Variants in NXPE3 observed in about 807,000 individuals in gnomAD.
NXPE3 encodes the protein NXPE family member 3.
Under a neutral mutation model 46.1 loss-of-function variants are expected in NXPE3, and 26 were observed. The observed-to-expected ratio is 0.56, with a 90% CI of 0.41 to 0.78. The LOEUF (loss-of-function observed/expected upper bound fraction) is 0.78. Ranked by LOEUF, NXPE3 falls within the 30% of genes least tolerant of loss-of-function variation. NXPE3 has a pLI of 0.00. For synonymous variants in NXPE3, 272 were observed against 257.9 expected (o/e 1.05, Z -0.52); for missense variants, 620 against 686.0 (o/e 0.90, Z 1.07).
chr3:101,803,679 G>A (rs971762568), intron 5 of NXPE3, among the ~76,000 whole-genome samples: 2 of 152,212 alleles, frequency 1.3e-5, no homozygotes, highest in Non-Finnish European at 2.9e-5. Context: ...GAGTGCAGTG[G>A]CATGATTGCA....
intron 4 of NXPE3, among the ~76,000 whole-genome samples, chr3:101,790,644 G>A (rs1443603158): frequency 6.6e-6 from 1 of 152,070 alleles, no homozygotes; most frequent in Non-Finnish European, 1.5e-5. Context: ...CCAGGCTGGA[G>A]TGCAGTGGCA....
intron 6 of NXPE3, among the ~76,000 whole-genome samples, chr3:101,810,473 G>A (rs1003321070): frequency 3.3e-5 from 5 of 152,212 alleles, no homozygotes; most frequent in Non-Finnish European, 7.4e-5. Context: ...TTGTGGCAGC[G>A]ACATGTAAAT....
chr3:101,812,090 A>G (rs190222584), intron 6 of NXPE3, among the ~76,000 whole-genome samples: 11 of 152,256 alleles, frequency 7.2e-5, no homozygotes, highest in Admixed American at 6.5e-4. Flanking sequence ...AGTGAATGAT[A>G]GTGTTTCATG....
chr3:101,803,524 A>T (rs938229921), intron 5 of NXPE3, among the ~76,000 whole-genome samples: 1 of 152,232 alleles, frequency 6.6e-6, no homozygotes, highest in Non-Finnish European at 1.5e-5. Context: ...CAGGTTTCAG[A>T]CATGCTATTT....
chr3:101,794,771 T>G (rs1940728243), intron 4 of NXPE3, among the ~76,000 whole-genome samples: 1 of 152,200 alleles, frequency 6.6e-6, no homozygotes, highest in Non-Finnish European at 1.5e-5. Context: ...ATCAGTAATG[T>G]TATAACAGTC....
At chr3:101,811,922 A>T (rs1344383818) in intron 6 of NXPE3, among the ~76,000 whole-genome samples, 1 of 151,542 alleles carries the variant, frequency 6.6e-6, no homozygotes, top group African/African-American at 2.4e-5. Flanking sequence ...TTTAGTAAAG[A>T]TGTGGTTTTG....
At chr3:101,808,842 T>TATATATATATATATATATATAC (rs1560057786) in intron 6 of NXPE3, among the ~76,000 whole-genome samples, 1 of 59,972 alleles carries the variant, frequency 1.7e-5, no homozygotes, top group Non-Finnish European at 3.7e-5. Flanking sequence ...TATATATATA[T>TATATATATATATATATATATAC]ATATATATAT....
At chr3:101,784,813 C>T (rs1180727773) in intron 3 of NXPE3, among the ~76,000 whole-genome samples, 2 of 152,146 alleles carry the variant, frequency 1.3e-5, no homozygotes, top group African/African-American at 4.8e-5. Flanking sequence ...TGTGTGTCTT[C>T]CTGTGCCTTA....
Position 101,821,853 on chromosome 3 carries a change from A to T in NXPE3, c.1579A>T (p.Thr527Ser), listed in dbSNP as rs201890694. The change falls in exon 8 of 8, where the codon ACC becomes TCC. Residue 527 changes from threonine to serine, a missense_variant. By Grantham distance (58) the Thr-to-Ser change is moderately conservative (BLOSUM62 1). Around this residue, in one of 3 missense-constraint regions of NXPE3, gnomAD observed 75 missense variants for 121.1 expected, o/e 0.62. Coordinates refer to ENST00000273347, the MANE Select transcript of NXPE3 (RefSeq NM_145037.4). ...ATATCTCGTCGATGCCTGGGAGATG[A>T]CCCTGGCCCATTATCTACCGCACAA... ...GVYLVDAWEM[T>S]LAHYLPHKLH... 5.7e-4 allele frequency: 914 copies of T among 1,613,780 alleles called. 1 individual carries two copies. Among genetic ancestry groups the T allele is most frequent in the Non-Finnish European group, 5.6e-4 (666 of 1,179,938 alleles).
intron 6 of NXPE3, among the ~76,000 whole-genome samples, chr3:101,815,176 A>G (rs988810163): frequency 1.3e-5 from 2 of 152,216 alleles, no homozygotes; most frequent in African/African-American, 4.8e-5. Flanking sequence ...TGCTTGTGTT[A>G]TCAAGTGTAA....
chr3:101,818,715 TTATATATATATATATATATATATA>T (rs61602305), intron 7 of NXPE3, among the ~76,000 whole-genome samples: 1 of 38,032 alleles, frequency 2.6e-5, no homozygotes, highest in Non-Finnish European at 4.3e-5. Flanking sequence ...ATATGACAAT[TTATATATATATATATATATATATA>T]TATATATATA....
chr3:101,823,603 A>G lies in NXPE3; in HGVS notation c.*1649A>G, dbSNP rs1480479614. 6.6e-6 allele frequency: 1 copy of G among 151,834 alleles called. No homozygotes were observed. Among genetic ancestry groups the G allele is most frequent in the African/African-American group, 2.4e-5 (1 of 41,244 alleles). 9.4% of individuals were successfully genotyped at this position (151,834 alleles called of 1,614,324 possible). On this transcript the variant is annotated 3_prime_UTR_variant, in exon 8 of 8. Coordinates refer to ENST00000273347, the MANE Select transcript of NXPE3 (RefSeq NM_145037.4). ...AGCCTGGGCAACATAGTAAGACCTC[A>G]TCTCTACAAAAAATAAAAAATTATC...
At chr3:101,808,868 C>CTTTTATCTG (rs1211359787) in intron 6 of NXPE3, among the ~76,000 whole-genome samples, 14 of 40,648 alleles carry the variant, frequency 3.4e-4, no homozygotes, top group Non-Finnish European at 5.2e-4. Context: ...AGACATTTAT[C>CTTTTATCTG]TTTTATCTGT....
chr3:101,788,433 A>G (rs952566845), intron 4 of NXPE3, among the ~76,000 whole-genome samples: 16 of 152,174 alleles, frequency 1.1e-4, no homozygotes, highest in African/African-American at 3.9e-4. Context: ...TTGGTGTCAT[A>G]TCCAAGAAAT....
rs1205281397 is a variant in NXPE3 at position 101,821,924 on chromosome 3, C to T, written c.1650C>T (p.Phe550=). The part of the protein sequence containing the change: ...EVIVKNQLDM[F]LSFVCPLET ...TTGTGAAGAACCAGCTGGACATGTTCTTGTCCTTTGTGTGCCCCTTGGAAA... is the reference window on the plus strand; with the variant it reads ...TTGTGAAGAACCAGCTGGACATGTTTTTGTCCTTTGTGTGCCCCTTGGAAA... The change falls in exon 8 of 8, where the codon TTC becomes TTT. Residue 550 remains phenylalanine, a synonymous_variant. Transcript: ENST00000273347. 1 of 1,613,796 alleles carries T rather than the reference C, an allele frequency of 6.2e-7. No individual in the cohort carries two copies. The highest frequency in any genetic ancestry group is 2.2e-5 in the East Asian group (1 of 44,900).
intron 7 of NXPE3, among the ~76,000 whole-genome samples, chr3:101,818,526 C>T (rs1157291433): frequency 2.0e-5 from 3 of 151,514 alleles, no homozygotes; most frequent in African/African-American, 7.3e-5. Flanking sequence ...GACATATCTT[C>T]ACCTGATAAA....
intron 6 of NXPE3, among the ~76,000 whole-genome samples, chr3:101,813,674 C>A (rs887890028): frequency 6.6e-6 from 1 of 152,212 alleles, no homozygotes; most frequent in Non-Finnish European, 1.5e-5. Flanking sequence ...CCTTCACCAG[C>A]AATTTTCAAG....
intron 4 of NXPE3, among the ~76,000 whole-genome samples, chr3:101,799,587 A>C (rs999884187): frequency 1.1e-4 from 17 of 152,032 alleles, no homozygotes; most frequent in African/African-American, 4.1e-4. Context: ...CACCACACTC[A>C]GCTAATTTTT....
At chr3:101,787,197 T>G (rs1940239248) in intron 4 of NXPE3, among the ~76,000 whole-genome samples, 1 of 152,144 alleles carries the variant, frequency 6.6e-6, no homozygotes, top group Non-Finnish European at 1.5e-5. Context: ...TACCCATTCC[T>G]GCCTATCCCC....
Sources: gnomAD v4.1 joint callset for allele counts (sites outside exome capture counted in the v4.1 genomes callset) on GRCh38, gnomAD v4.1.1 for gene constraint, gnomAD v4.1.1 regional missense constraint, MANE v1.5 for transcripts, NCBI Gene and HGNC (gene_info 2026-07-23, HGNC 2026-07-21) for gene names.